CACNA1D: variants seen among roughly 807,000 people sequenced by gnomAD.
CACNA1D encodes the protein calcium voltage-gated channel subunit alpha1 D.
In CACNA1D, 55 loss-of-function variants were observed where a neutral mutation model predicts 257.1. The observed-to-expected ratio is 0.21, with a 90% CI of 0.17 to 0.27. CACNA1D has a LOEUF of 0.27. CACNA1D is among the 10% of genes least tolerant of loss of function. The pLI is 1.00. For synonymous variants in CACNA1D, 980 were observed against 1,014.9 expected, an observed-to-expected ratio of 0.97 and a Z score of 0.65; for missense variants, 1,876 against 2,784.0, an observed-to-expected ratio of 0.67 and a Z score of 7.34.
chr3:53,523,329 G>A (rs918758770), intron 3 of CACNA1D, among the ~76,000 whole-genome samples: 6 of 151,974 alleles, frequency 3.9e-5, no homozygotes, highest in African/African-American at 1.5e-4. Flanking sequence ...AGGTCAACAG[G>A]CTATGGAAAA....
chr3:53,755,921 A>G (rs965593487), intron 29 of CACNA1D, among the ~76,000 whole-genome samples: 1 of 152,186 alleles, frequency 6.6e-6, no homozygotes, highest in African/African-American at 2.4e-5. Context: ...GGGCTGAAGA[A>G]CAAGGTTGTC....
chr3:53,705,064 C>G (rs540362714), intron 9 of CACNA1D, among the ~76,000 whole-genome samples: 26 of 152,324 alleles, frequency 1.7e-4, no homozygotes, highest in Admixed American at 5.2e-4. Context: ...TGACAGAAAT[C>G]AATGACTCTG....
chr3:53,621,887 A>T (rs2093700623), intron 3 of CACNA1D, among the ~76,000 whole-genome samples: 1 of 152,190 alleles, frequency 6.6e-6, no homozygotes, highest in Admixed American at 6.6e-5. Context: ...TTTCAGAAAA[A>T]TGCAAGTTAA....
At chr3:53,771,812 G>C (rs923771516) in intron 32 of CACNA1D, among the ~76,000 whole-genome samples, 1 of 152,328 alleles carries the variant, frequency 6.6e-6, no homozygotes, top group Non-Finnish European at 1.5e-5. Flanking sequence ...TAAACATTTG[G>C]CAATCTAGGA....
chr3:53,730,646 C>A, intron 16 of CACNA1D, 90 bp downstream of exon 16: 2 of 971,578 alleles, frequency 2.1e-6, no homozygotes, highest in South Asian at 1.4e-5. Context: ...CCCCGCATCA[C>A]GGCAGCTGCA....
At chr3:53,759,267 A>G (rs2095285874) in intron 29 of CACNA1D, among the ~76,000 whole-genome samples, 1 of 152,260 alleles carries the variant, frequency 6.6e-6, no homozygotes, top group Non-Finnish European at 1.5e-5. Flanking sequence ...GTGCACCAGC[A>G]TTGAGAATAT....
rs1357528749 is a variant in CACNA1D at position 53,673,605 on chromosome 3, C to T, written c.1220+479C>T. ...GAAGGACCTAGGCCCAGTCCCTGTC[C>T]TAGGAGCACTAACCTTCAGCAAAGC... On this transcript the variant is annotated intron_variant, in intron 8 of 47. Coordinates refer to ENST00000350061, the MANE Select transcript of CACNA1D (RefSeq NM_001128840.3). This position sits in a 1 kb window ranked among gnomAD's most constrained non-coding sequence, Gnocchi z 4.1. 6 of 836,470 alleles carry T rather than the reference C, an allele frequency of 7.2e-6. No homozygotes were observed. Among genetic ancestry groups the T allele is most frequent in the Non-Finnish European group, 8.4e-6 (4 of 476,998 alleles). The allele number at this position is 836,470 out of a possible 1,614,324, so 51.8% of individuals were successfully genotyped here.
Position 53,749,274 on chromosome 3 carries a change from G to T in CACNA1D, c.3321G>T (p.Leu1107=). ...VSTFEGWPAL[L]YKAIDSNGEN... is the part of the protein sequence containing the mutation. The stretch of plus-strand genomic sequence containing the variant: ...TTGGTTTTTCTCTCTCTAGGTTGCT[G>T]TATAAAGCCATCGACTCGAATGGAG... The change falls in exon 27 of 48, where the codon CTG becomes CTT. Residue 1107 remains leucine (L), a synonymous_variant. Coordinates refer to ENST00000350061, the MANE Select transcript of CACNA1D (RefSeq NM_001128840.3). The T allele has an allele frequency of 1.2e-6, 2 of 1,613,156 alleles. No homozygotes were observed. The highest frequency in any genetic ancestry group is 2.2e-5 in the South Asian group (2 of 91,058).
Position 53,800,361 on chromosome 3 carries a change from T to A in CACNA1D, c.5036T>A (p.Phe1679Tyr). The A allele has an allele frequency of 1.3e-6, 2 of 1,594,748 alleles. No homozygotes were observed. Among genetic ancestry groups the A allele is most frequent in the Non-Finnish European group, 1.7e-6 (2 of 1,162,220 alleles). ...AAACGAGAAGAAGAAGATGATGTGT[T>A]CAAAGTAATTATTCCACGCCTAGCT... is the stretch of plus-strand genomic sequence containing the variant. Reference protein sequence around the residue: ...ETKREEEDDVFKRNGALLGNH... With the variant: ...ETKREEEDDVYKRNGALLGNH... The change falls in exon 41 of 48, where the codon TTC (phenylalanine) becomes TAC (tyrosine). Residue 1679 changes from phenylalanine to tyrosine, a missense_variant. This residue lies in a region of CACNA1D where 160 missense variants were observed against 236.6 expected (regional missense o/e 0.68). Coordinates refer to ENST00000350061, the MANE Select transcript of CACNA1D (RefSeq NM_001128840.3). This position sits in a 1 kb window ranked among gnomAD's most constrained non-coding sequence, Gnocchi z 4.3.
rs765860586 is a variant in CACNA1D at position 53,803,589 on chromosome 3, C to T, written c.5585+17C>T. ...CTGGAGCAGGTGAGCTGCTCTGGCT[C>T]CTGTGGAGAGCGGGAGGCCGCCCTG... On this transcript the variant is annotated intron_variant, in intron 44 of 47. Transcript: ENST00000350061. 2 of 1,612,966 alleles carry T rather than the reference C, an allele frequency of 1.2e-6. No individual in the cohort carries two copies. The highest frequency in any genetic ancestry group is 1.7e-6 in the Non-Finnish European group (2 of 1,179,558).
chr3:53,777,020 C>A (rs546930513), intron 37 of CACNA1D, 64 bp downstream of exon 37: 2 of 1,218,798 alleles, frequency 1.6e-6, no homozygotes, highest in Non-Finnish European at 2.4e-6. Context: ...TTAACAAACA[C>A]TTGTTAAGTG....
rs771031873 is a variant in CACNA1D, at chr3:53,703,378, C to T, written c.1390+568C>T. Among the ~76,000 whole-genome samples the T allele has an allele frequency of 3.6e-4, 55 of 152,182 alleles. 1 individual carries two copies. Among genetic ancestry groups the T allele is most frequent in the Non-Finnish European group, 4.9e-4 (33 of 68,030 alleles). On this transcript the variant is annotated intron_variant, in intron 9 of 47. Transcript: ENST00000350061. ...TGACAGCTGCTTTGCTGTCACCCAT[C>T]GACACCCCACACTGTGACACTAAGC...
intron 20 of CACNA1D, 97 bp downstream of exon 20, chr3:53,735,600 C>A: frequency 7.4e-7 from 1 of 1,354,632 alleles, no homozygotes; most frequent in Non-Finnish European, 1.0e-6. Flanking sequence ...CTCAAGGTGA[C>A]AGCTAGAGTA....
intron 8 of CACNA1D, among the ~76,000 whole-genome samples, chr3:53,696,149 G>T (rs1398656311): frequency 6.6e-6 from 1 of 152,134 alleles, no homozygotes; most frequent in Non-Finnish European, 1.5e-5. Flanking sequence ...AAATTATTTT[G>T]TAGAGATGGG....
intron 25 of CACNA1D, among the ~76,000 whole-genome samples, chr3:53,746,742 G>A (rs908176531): frequency 4.6e-5 from 7 of 152,282 alleles, no homozygotes; most frequent in East Asian, 3.9e-4. Flanking sequence ...AAGCCTCTGT[G>A]TCTTCATTTG....
At chr3:53,704,654 A>G (rs1050575362) in intron 9 of CACNA1D, among the ~76,000 whole-genome samples, 1 of 152,160 alleles carries the variant, frequency 6.6e-6, no homozygotes, top group Non-Finnish European at 1.5e-5. Flanking sequence ...CAGCTTGGAG[A>G]TGCCTGCACC....
At chr3:53,724,428 A>G (rs1425949551) in intron 14 of CACNA1D, among the ~76,000 whole-genome samples, 1 of 152,160 alleles carries the variant, frequency 6.6e-6, no homozygotes, top group African/African-American at 2.4e-5. Context: ...TTTGGTGTGT[A>G]GTTGGAGGAA....
At chr3:53,727,105 G>A in intron 15 of CACNA1D, 106 bp downstream of exon 15, 19 of 1,306,590 alleles carry the variant, frequency 1.5e-5, no homozygotes, top group Non-Finnish European at 2.0e-5. Context: ...GTTGTGGCAG[G>A]GAGGTAAATG....
At chr3:53,629,224 C>G (rs1018263607) in intron 3 of CACNA1D, among the ~76,000 whole-genome samples, 1 of 152,208 alleles carries the variant, frequency 6.6e-6, no homozygotes, top group African/African-American at 2.4e-5. Flanking sequence ...GTGAAAAGAA[C>G]AAGTTTCGAG....
Sources: allele counts gnomAD v4.1 joint callset (sites outside exome capture counted in the v4.1 genomes callset), GRCh38; gene constraint gnomAD v4.1.1; regional missense constraint gnomAD v4.1.1; non-coding constraint Gnocchi (gnomAD v3.1); transcripts MANE v1.5; gene names NCBI Gene and HGNC (gene_info 2026-07-23, HGNC 2026-07-21).